CD200: variants seen among roughly 807,000 people sequenced by gnomAD.
CD200 encodes OX-2 membrane glycoprotein.
Under a neutral mutation model 30.9 loss-of-function variants are expected in CD200, and 15 were observed. That is an observed-to-expected ratio of 0.49 (90% confidence interval 0.32 to 0.75). The LOEUF is 0.75. Ranked by LOEUF, CD200 falls within the 30% of genes least tolerant of loss-of-function variation. The pLI, the probability that CD200 is intolerant of heterozygous loss-of-function variation, is 0.03. For missense variants in CD200, 262 were observed against 324.2 expected (o/e 0.81, Z 1.47); for synonymous variants, 134 against 126.2 (o/e 1.06, Z -0.41).
intron 3 of CD200, among the ~76,000 whole-genome samples, chr3:112,346,626 C>T (rs2081401340): frequency 6.6e-6 from 1 of 152,134 alleles, no homozygotes; most frequent in Non-Finnish European, 1.5e-5. Flanking sequence ...TAATCTTAGC[C>T]AGAGCCACAG....
chr3:112,336,196 G>A (rs981098314), intron 1 of CD200, among the ~76,000 whole-genome samples: 2 of 152,124 alleles, frequency 1.3e-5, no homozygotes, highest in Non-Finnish European at 2.9e-5. Flanking sequence ...CATAAGGAAA[G>A]AAAAGGGCAT....
At chr3:112,339,942 G>A (rs531766758) in intron 1 of CD200, among the ~76,000 whole-genome samples, 9 of 152,324 alleles carry the variant, frequency 5.9e-5, no homozygotes, top group South Asian at 2.1e-4. Context: ...GAATGCAGAC[G>A]CAATGCTAGA....
At position 112,349,766 on chromosome 3, in the gene CD200, T is replaced by C; in HGVS notation, c.749T>C (p.Leu250Pro). Residue 250 changes from leucine (L) to proline (P), a missense_variant, in exon 5 of 6, where the codon CTC (leucine) becomes CCC (proline). Coordinates refer to ENST00000315711, the MANE Select transcript of CD200 (RefSeq NM_005944.7). ...AGCATTGTTTCCCTGGTAATTCTTC[T>C]CGTCCTAATCTCAATCTTACTGTAC... The part of the protein sequence containing the change: ...LLSIVSLVIL[L>P]VLISILLYWK... The C allele has an allele frequency of 3.1e-6, 5 of 1,612,366 alleles. No homozygotes were observed. The highest frequency in any genetic ancestry group is 4.2e-6 in the Non-Finnish European group (5 of 1,179,022).
At chr3:112,344,375 T>C (rs2081335899) in intron 2 of CD200, among the ~76,000 whole-genome samples, 1 of 152,222 alleles carries the variant, frequency 6.6e-6, no homozygotes, top group Admixed American at 6.5e-5. Context: ...GTGTGTAAAT[T>C]ATTATTTGTG....
intron 1 of CD200, among the ~76,000 whole-genome samples, chr3:112,339,616 C>A (rs1414312342): frequency 3.9e-5 from 6 of 152,204 alleles, no homozygotes; most frequent in Non-Finnish European, 8.8e-5. Context: ...GTCTCACAGT[C>A]CCCTAAAGGG....
intron 2 of CD200, 109 bp downstream of exon 2, chr3:112,341,092 T>C: frequency 1.5e-6 from 1 of 675,558 alleles, no homozygotes. Flanking sequence ...TCTGCATGAA[T>C]TATTTAAGCA....
Position 112,348,305 on chromosome 3 carries a change from A to G in CD200, c.694+475A>G, listed in dbSNP as rs1399549025. On this transcript the variant is annotated intron_variant, in intron 4 of 5. Transcript: ENST00000315711. The stretch of plus-strand genomic sequence containing the variant: ...GAAGGAGGGGCTCAATCTGGGGGAG[A>G]TTTGGAAGGTTTCCTGGAAGAAGTG... Among the ~76,000 whole-genome samples, 3 of 152,148 alleles carry G rather than the reference A, an allele frequency of 2.0e-5. No homozygotes were observed. In the East Asian group the frequency reaches 5.8e-4, roughly 29 times the overall value.
At chr3:112,357,679 T>A (rs1362406930) in intron 5 of CD200, among the ~76,000 whole-genome samples, 1 of 152,180 alleles carries the variant, frequency 6.6e-6, no homozygotes, top group Non-Finnish European at 1.5e-5. Flanking sequence ...TTTGGACACA[T>A]GGGCATGCGT....
chr3:112,334,401 GATTA>G (rs1345734292), intron 1 of CD200: 2 of 223,814 alleles, frequency 8.9e-6, no homozygotes, highest in Non-Finnish European at 1.5e-5. Context: ...TGATTTGATC[GATTA>G]ATTTTTTTAG....
intron 5 of CD200, among the ~76,000 whole-genome samples, chr3:112,353,607 T>C (rs1303939283): frequency 6.6e-6 from 1 of 152,000 alleles, no homozygotes; most frequent in Non-Finnish European, 1.5e-5. Context: ...TAATACTTAA[T>C]ACAAACAACA....
At position 112,333,807 on chromosome 3, in the gene CD200, G is replaced by C. The variant is rs954362032; in HGVS notation, c.12+583G>C. The C allele has an allele frequency of 5.1e-6, 5 of 985,278 alleles. No individual in the cohort carries two copies. The East Asian group carries it at 5.7e-4, about 112-fold the overall frequency. 61.0% of individuals were successfully genotyped at this position (985,278 alleles called of 1,614,324 possible). On this transcript the variant is annotated intron_variant, in intron 1 of 5. Transcript: ENST00000315711. The stretch of plus-strand genomic sequence containing the variant: ...CAGTTAAAGCTGAAGCTACACTTGA[G>C]AGAGCTGAAATGCTCTGTGATCATA...
chr3:112,333,203 A>G lies in CD200; in HGVS notation c.-10A>G. The G allele has an allele frequency of 2.6e-6, 4 of 1,550,044 alleles. No individual in the cohort carries two copies. Among genetic ancestry groups the G allele is most frequent in the Non-Finnish European group, 3.5e-6 (4 of 1,146,544 alleles). ...AGTCAGCCACCTCGCGCGCGCCTCC[A>G]GGAGCAAGGATGGAGAGGCTGGTGA... On this transcript the variant is annotated 5_prime_UTR_variant, in exon 1 of 6. Transcript: ENST00000315711.
chr3:112,351,741 G>C (rs1010664078), intron 5 of CD200, among the ~76,000 whole-genome samples: 2 of 152,094 alleles, frequency 1.3e-5, no homozygotes, highest in Non-Finnish European at 2.9e-5. Flanking sequence ...ACCTGAGGCT[G>C]GGTAATTCAT....
chr3:112,333,692 C>T (rs1214330508), intron 1 of CD200: 4 of 985,334 alleles, frequency 4.1e-6, no homozygotes, highest in African/African-American at 3.5e-5. Flanking sequence ...TTTCCAGGCT[C>T]GCTTTCTCCG....
At chr3:112,344,648 A>C (rs2081341701) in intron 2 of CD200, among the ~76,000 whole-genome samples, 1 of 152,266 alleles carries the variant, frequency 6.6e-6, no homozygotes, top group Admixed American at 6.5e-5. Context: ...TGAAGCTGCT[A>C]TCCTACCTGG....
At position 112,359,247 on chromosome 3, in the gene CD200, T is replaced by TA. The variant is rs200682740; in HGVS notation, c.803-2288dup. ...TCAGGCTTAATTTAAGAGCTTTTTT[T>TA]AAAAAAAACAGACAAACAACAACAA... is the stretch of plus-strand genomic sequence containing the variant. On this transcript the variant is annotated intron_variant, in intron 5 of 5. Coordinates refer to ENST00000315711, the MANE Select transcript of CD200 (RefSeq NM_005944.7). Among the ~76,000 whole-genome samples, 1,051 of 151,962 alleles carry TA rather than the reference T, an allele frequency of 6.9e-3. 9 individuals are homozygous for TA. Among genetic ancestry groups the TA allele is most frequent in the African/African-American group, 0.02 (828 of 41,428 alleles).
rs1037852943 is a variant in CD200 at position 112,333,540 on chromosome 3, C to T, written c.12+316C>T. On this transcript the variant is annotated intron_variant, in intron 1 of 5. Coordinates refer to ENST00000315711, the MANE Select transcript of CD200 (RefSeq NM_005944.7). ...TCCGCGCTGACGAAGCTGGCGCATC[C>T]TCCGGGCAGGCTCGGCTCGGCTCAC... 9.1e-6 allele frequency: 9 copies of T among 985,332 alleles called. No homozygotes were observed. The African/African-American group carries it at 1.4e-4, about 15-fold the overall frequency. 61.0% of individuals were successfully genotyped at this position (985,332 alleles called of 1,614,324 possible). A position where few individuals can be genotyped will look rare whatever the true frequency, so the allele number is the denominator to read the frequency against.
Position 112,348,751 on chromosome 3 carries a change from G to A in CD200, c.694+921G>A, listed in dbSNP as rs569789667. Reference sequence around the variant, plus strand: ...GAAAACCCAGACTAATCAGAAATTGGATATTTAGGTAAATTTGGTCAAAAA... The same window carrying A: ...GAAAACCCAGACTAATCAGAAATTGAATATTTAGGTAAATTTGGTCAAAAA... On this transcript the variant is annotated intron_variant, in intron 4 of 5. Transcript: ENST00000315711. Among the ~76,000 whole-genome samples the A allele has an allele frequency of 3.3e-5, 5 of 152,186 alleles. No individual in the cohort carries two copies. The East Asian group carries it at 9.6e-4, about 29-fold the overall frequency.
At chr3:112,360,333 A>AAAAATATATATAT (rs879786648) in intron 5 of CD200, among the ~76,000 whole-genome samples, 8 of 141,196 alleles carry the variant, frequency 5.7e-5, no homozygotes, top group African/African-American at 2.0e-4. Context: ...ATCTAAAAAA[A>AAAAATATATATAT]ATATATATAT....
Sources: allele counts gnomAD v4.1 joint callset (sites outside exome capture counted in the v4.1 genomes callset), GRCh38; gene constraint gnomAD v4.1.1; transcripts MANE v1.5; gene names NCBI Gene and HGNC (gene_info 2026-07-23, HGNC 2026-07-21).